The following DENND1B variants were observed in gnomAD, a reference collection of about 807,000 sequenced individuals.
DENND1B encodes the protein DENN domain-containing protein 1B.
Under a neutral mutation model 90.1 loss-of-function variants are expected in DENND1B, and 59 were observed. The ratio of observed to expected loss-of-function variants is 0.65; its 90% confidence interval spans 0.53 to 0.81. DENND1B has a LOEUF of 0.81. DENND1B is among the 40% of genes least tolerant of loss of function. The probability of loss-of-function intolerance (pLI) is 0.00; values close to 1 mark genes in which losing one functional copy is unlikely to be tolerated. For missense variants in DENND1B, 862 were observed against 912.6 expected (o/e 0.94, Z 0.71); for synonymous variants, 337 against 324.6 (o/e 1.04, Z -0.41).
At chr1:197,545,556 A>T (rs566390140) in intron 18 of DENND1B, 23 of 198,398 alleles carry the variant, frequency 1.2e-4, no homozygotes, top group African/African-American at 5.3e-4. Context: ...AGACCTCGCT[A>T]TATTTTTCTT....
rs570307469 is a variant in DENND1B at position 197,603,858 on chromosome 1, T to C, written c.921+3215A>G. Among the ~76,000 whole-genome samples the C allele has an allele frequency of 5.9e-5, 9 of 151,466 alleles. 1 individual carries two copies. In the South Asian group the frequency reaches 1.2e-3, roughly 21 times the overall value. Reference sequence around the variant, plus strand: ...ATAGATTTGGAATAGGAGGTTTTAATACTGCATTTTCATAAATTAAAATCA... The same window carrying C: ...ATAGATTTGGAATAGGAGGTTTTAACACTGCATTTTCATAAATTAAAATCA... On this transcript the variant is annotated intron_variant, in intron 13 of 22. Coordinates refer to ENST00000620048, the MANE Select transcript of DENND1B (RefSeq NM_001195215.2).
chr1:197,507,632 G>A lies in DENND1B; in HGVS notation c.*2828C>T, dbSNP rs972223012. 3 of 151,572 alleles carry A rather than the reference G, an allele frequency of 2.0e-5. No individual in the cohort carries two copies. The highest frequency in any genetic ancestry group is 7.3e-5 in the African/African-American group (3 of 41,370). 9.4% of individuals were successfully genotyped at this position (151,572 alleles called of 1,614,324 possible). On this transcript the variant is annotated 3_prime_UTR_variant, in exon 23 of 23. Coordinates refer to ENST00000620048, the MANE Select transcript of DENND1B (RefSeq NM_001195215.2). ...TCTTTTTAGTTTATACAATTCTGTTGTATAACAGGTGTTGCTTCTTTGAAA... is the reference window on the plus strand; with the variant it reads ...TCTTTTTAGTTTATACAATTCTGTTATATAACAGGTGTTGCTTCTTTGAAA...
At chr1:197,772,738 T>C (rs1382083539) in intron 2 of DENND1B, 130 bp downstream of exon 2, 3 of 708,818 alleles carry the variant, frequency 4.2e-6, no homozygotes, top group East Asian at 2.8e-5. Context: ...GGTGGGAGGA[T>C]CACCTGAACC....
At chr1:197,589,499 CTG>C (rs1477574196) in intron 14 of DENND1B, among the ~76,000 whole-genome samples, 2 of 152,106 alleles carry the variant, frequency 1.3e-5, no homozygotes, top group East Asian at 1.9e-4. Context: ...AACCATAAAA[CTG>C]TGAGTAGTAC....
chr1:197,583,076 T>C (rs1674384302), intron 15 of DENND1B, 76 bp downstream of exon 15: 1 of 1,350,188 alleles, frequency 7.4e-7, no homozygotes, highest in East Asian at 2.3e-5. Flanking sequence ...GGTTTGTACA[T>C]AGTTTTATAG....
intron 18 of DENND1B, 85 bp downstream of exon 18, chr1:197,545,837 A>G (rs994434186): frequency 4.8e-5 from 57 of 1,185,196 alleles, no homozygotes; most frequent in Non-Finnish European, 6.5e-5. Flanking sequence ...GAAAAATAGA[A>G]AATATTCAGA....
chr1:197,686,210 A>G (rs1399637307), intron 3 of DENND1B, among the ~76,000 whole-genome samples: 1 of 152,220 alleles, frequency 6.6e-6, no homozygotes, highest in Non-Finnish European at 1.5e-5. Context: ...TTAAAAATAA[A>G]TAATTCTCCT....
At position 197,607,233 on chromosome 1, in the gene DENND1B, T is replaced by C. The variant is rs1043907519; in HGVS notation, c.820-59A>G. 3 of 1,205,224 alleles carry C rather than the reference T, an allele frequency of 2.5e-6. No homozygotes were observed. In the African/African-American group the frequency reaches 4.7e-5, roughly 19 times the overall value. 74.7% of individuals were successfully genotyped at this position (1,205,224 alleles called of 1,614,324 possible). ...GTATATTTACTTTACAAAGTTATGA[T>C]GAGTTTGGAAACAGAAAACATTATC... On this transcript the variant is annotated intron_variant, in intron 12 of 22. Coordinates refer to ENST00000620048, the MANE Select transcript of DENND1B (RefSeq NM_001195215.2).
intron 15 of DENND1B, among the ~76,000 whole-genome samples, chr1:197,573,472 C>G (rs954464441): frequency 6.6e-6 from 1 of 152,104 alleles, no homozygotes; most frequent in Admixed American, 6.5e-5. Context: ...AGCTTACCAA[C>G]CAAAAAGAGT....
At chr1:197,607,607 T>C (rs1676804971) in intron 12 of DENND1B, among the ~76,000 whole-genome samples, 1 of 150,724 alleles carries the variant, frequency 6.6e-6, no homozygotes, top group Non-Finnish European at 1.5e-5. Flanking sequence ...CATTAAACTA[T>C]AATTTAAATT....
rs189653239 is a variant in DENND1B, at chr1:197,627,890, C to G, written c.673-10131G>C. Among the ~76,000 whole-genome samples the G allele has an allele frequency of 2.0e-5, 3 of 152,186 alleles. No homozygotes were observed. In the East Asian group the frequency reaches 5.8e-4, roughly 29 times the overall value. On this transcript the variant is annotated intron_variant, in intron 10 of 22. Transcript: ENST00000620048. The stretch of plus-strand genomic sequence containing the variant: ...AGCATTCTTATACACCAATAACAGA[C>G]AGACAGCGAAATCATGAGTTAACTC...
chr1:197,571,166 T>C (rs1471384363), intron 15 of DENND1B, among the ~76,000 whole-genome samples: 2 of 152,124 alleles, frequency 1.3e-5, no homozygotes, highest in African/African-American at 4.8e-5. Context: ...TAATTGGACT[T>C]TTGCCACCTC....
intron 20 of DENND1B, among the ~76,000 whole-genome samples, chr1:197,525,826 A>T (rs1669097884): frequency 6.6e-6 from 1 of 152,042 alleles, no homozygotes; most frequent in Non-Finnish European, 1.5e-5. Flanking sequence ...AGAAATTGCA[A>T]TTATATTTTG....
intron 20 of DENND1B, among the ~76,000 whole-genome samples, chr1:197,528,141 T>G (rs1391137562): frequency 6.6e-6 from 1 of 152,196 alleles, no homozygotes; most frequent in Non-Finnish European, 1.5e-5. Context: ...TAAGAGAACC[T>G]AAGATATTCT....
chr1:197,673,680 G>C (rs1382964410), intron 4 of DENND1B, among the ~76,000 whole-genome samples: 1 of 151,984 alleles, frequency 6.6e-6, no homozygotes, highest in African/African-American at 2.4e-5. Context: ...CCTCTATAAA[G>C]CTATTATTGA....
At chr1:197,756,296 TG>T (rs1416004470) in intron 2 of DENND1B, among the ~76,000 whole-genome samples, 50 of 152,126 alleles carry the variant, frequency 3.3e-4, no homozygotes. Flanking sequence ...TTTATTAGGC[TG>T]GGCATGGTGG....
intron 4 of DENND1B, among the ~76,000 whole-genome samples, chr1:197,673,169 A>C (rs558810770): frequency 1.3e-5 from 2 of 152,028 alleles, no homozygotes; most frequent in Middle Eastern, 3.4e-3. Flanking sequence ...TAAAAAAAAA[A>C]CCCTCTAGTG....
intron 14 of DENND1B, among the ~76,000 whole-genome samples, chr1:197,593,519 G>A (rs1215183208): frequency 6.6e-6 from 1 of 151,652 alleles, no homozygotes; most frequent in East Asian, 1.9e-4. Flanking sequence ...TAACAATATG[G>A]CTTTCAAGAT....
At chr1:197,709,782 G>A (rs1659925966) in intron 3 of DENND1B, among the ~76,000 whole-genome samples, 1 of 136,214 alleles carries the variant, frequency 7.3e-6, no homozygotes, top group Non-Finnish European at 1.5e-5. Context: ...ACACAGACTG[G>A]CAAGTTGGAT....
Sources: allele counts gnomAD v4.1 joint callset (sites outside exome capture counted in the v4.1 genomes callset), GRCh38; gene constraint gnomAD v4.1.1; transcripts MANE v1.5; gene names NCBI Gene and HGNC (gene_info 2026-07-23, HGNC 2026-07-21).